NOTCH2NLR: variants seen among roughly 807,000 people sequenced by gnomAD.
NOTCH2NLR encodes notch 2 N-terminal like R.
Under a neutral mutation model 35.6 loss-of-function variants are expected in NOTCH2NLR, and 33 were observed. The ratio of observed to expected loss-of-function variants is 0.93; its 90% CI spans 0.70 to 1.24. The LOEUF (loss-of-function observed/expected upper bound fraction) is 1.24, where lower values mean the gene tolerates loss of function less well. Ranked by LOEUF, NOTCH2NLR falls within the 50% of genes most tolerant of loss-of-function variation. NOTCH2NLR has a pLI of 0.00. For missense variants in NOTCH2NLR, 276 were observed against 362.2 expected (o/e 0.76, Z 1.93); for synonymous variants, 103 against 141.0 (o/e 0.73, Z 1.91).
chr1:120,752,553 TA>T (rs1184914915), intron 1 of NOTCH2NLR, among the ~76,000 whole-genome samples: 358 of 11,808 alleles, frequency 0.03, 5 homozygotes, highest in African/African-American at 0.051. Flanking sequence ...TATATATATA[TA>T]TTTTTTTTTT....
chr1:120,764,838 A>G (rs1387264294), intron 2 of NOTCH2NLR, among the ~76,000 whole-genome samples: 1 of 90,860 alleles, frequency 1.1e-5, no homozygotes, highest in Non-Finnish European at 2.0e-5. Flanking sequence ...TGTGAGGAGT[A>G]GTTGTTCTTT....
At chr1:120,790,151 G>C (rs1651468139) in intron 3 of NOTCH2NLR, among the ~76,000 whole-genome samples, 1 of 99,768 alleles carries the variant, frequency 1.0e-5, no homozygotes, top group Non-Finnish European at 1.8e-5. Flanking sequence ...GAGTAGCTGG[G>C]ACTACAGGCA....
chr1:120,785,327 C>T, intron 3 of NOTCH2NLR, 94 bp downstream of exon 3: 1 of 842,224 alleles, frequency 1.2e-6, no homozygotes, highest in Non-Finnish European at 1.8e-6. Context: ...CTTAAATGTC[C>T]CCCAGCTCTG....
At position 120,764,136 on chromosome 1, in the gene NOTCH2NLR, A is replaced by G. The variant is rs1436424132; in HGVS notation, c.155+427A>G. ...GTGGCGCATGACTGGAGTCCCAGCT[A>G]CTCGGGAGGCTGAGGCAGGAGAGTG... On this transcript the variant is annotated intron_variant, in intron 2 of 4. Coordinates refer to ENST00000624419, the Ensembl canonical transcript of NOTCH2NLR. 1.8e-5 allele frequency among the ~76,000 whole-genome samples: 2 copies of G among 111,900 alleles called. 1 individual carries two copies. Among genetic ancestry groups the G allele is most frequent in the African/African-American group, 1.0e-4 (2 of 19,466 alleles). The allele number at this position is 111,900 out of a possible 152,430, so 73.4% of individuals were successfully genotyped here.
chr1:120,783,728 C>A lies in NOTCH2NLR; in HGVS notation c.156-1246C>A, dbSNP rs1449672656. On this transcript the variant is annotated intron_variant, in intron 2 of 4. Coordinates refer to ENST00000624419, the Ensembl canonical transcript of NOTCH2NLR. ...CATTTGAGAGAAAGAGCAGTGCAGT[C>A]CAGACTTAAACGTTAGGGTGGCCAT... 2.2e-4 allele frequency among the ~76,000 whole-genome samples: 26 copies of A among 117,142 alleles called. 10 individuals carry two copies. Among genetic ancestry groups the A allele is most frequent in the African/African-American group, 1.3e-3 (26 of 19,996 alleles). The allele number at this position is 117,142 out of a possible 152,430, so 76.8% of individuals were successfully genotyped here.
rs1372223844 is a variant in NOTCH2NLR at position 120,724,804 on chromosome 1, C to G, written c.73+554C>G. 8.1e-5 allele frequency among the ~76,000 whole-genome samples: 8 copies of G among 99,328 alleles called. 2 individuals carry two copies. Among genetic ancestry groups the G allele is most frequent in the Non-Finnish European group, 1.2e-4 (6 of 51,572 alleles). 65.2% of individuals were successfully genotyped at this position (99,328 alleles called of 152,430 possible). On this transcript the variant is annotated intron_variant, in intron 1 of 4. Coordinates refer to ENST00000624419, the Ensembl canonical transcript of NOTCH2NLR. ...TTTGCGGCGCGCCTGAGTTTTGACACTCCAACCCCACCGAAAGTCCGGGGG... is the reference window on the plus strand; with the variant it reads ...TTTGCGGCGCGCCTGAGTTTTGACAGTCCAACCCCACCGAAAGTCCGGGGG...
At chr1:120,724,000 G>A (rs1650783156) in exon 1 of NOTCH2NLR, 6 of 1,216,818 alleles carry the variant, frequency 4.9e-6, no homozygotes, top group Non-Finnish European at 6.2e-6. Context: ...GACTCGGGGC[G>A]CGGGGAGTCG....
At chr1:120,740,106 T>G (rs1650939192) in intron 1 of NOTCH2NLR, among the ~76,000 whole-genome samples, 3 of 126,972 alleles carry the variant, frequency 2.4e-5, no homozygotes, top group Admixed American at 8.1e-5. Flanking sequence ...GATTTCAGAT[T>G]AAAGATGAAG....
At position 120,764,041 on chromosome 1, in the gene NOTCH2NLR, G is replaced by T. The variant is rs1285632892; in HGVS notation, c.155+332G>T. 1.7e-4 allele frequency among the ~76,000 whole-genome samples: 19 copies of T among 113,954 alleles called. 4 individuals are homozygous for T. The highest frequency in any genetic ancestry group is 8.1e-4 in the African/African-American group (16 of 19,820). The allele number at this position is 113,954 out of a possible 152,430, so 74.8% of individuals were successfully genotyped here. On this transcript the variant is annotated intron_variant, in intron 2 of 4. Transcript: ENST00000624419. ...AGTTGGGCGAATCACGAGGTCAGGA[G>T]TTCAAGATCAGCCTGGCCAACATAG...
chr1:120,790,757 G>A (rs1651483915), intron 3 of NOTCH2NLR, among the ~76,000 whole-genome samples: 2 of 108,588 alleles, frequency 1.8e-5, no homozygotes, highest in Non-Finnish European at 3.4e-5. Flanking sequence ...GCGCTATGAA[G>A]CCCGGCTAAT....
rs1186945714 is a variant in NOTCH2NLR, at chr1:120,748,113, C to CTTTT, written c.74-15493_74-15490dup. On this transcript the variant is annotated intron_variant, in intron 1 of 4. Coordinates refer to ENST00000624419, the Ensembl canonical transcript of NOTCH2NLR. ...TAGAGTTAGGGCTTGGTAAAGGCTC[C>CTTTT]TTTTTTTTTTTTTTTTTTTTTTTTT... 2.7e-4 allele frequency among the ~76,000 whole-genome samples: 8 copies of CTTTT among 29,682 alleles called. No individual in the cohort carries two copies. The East Asian group carries it at 8.7e-3, about 32-fold the overall frequency. 19.5% of individuals were successfully genotyped at this position (29,682 alleles called of 152,430 possible). A position where few individuals can be genotyped will look rare whatever the true frequency, so the allele number is the denominator to read the frequency against.
At position 120,759,774 on chromosome 1, in the gene NOTCH2NLR, C is replaced by T. The variant is rs1163420553; in HGVS notation, c.74-3854C>T. On this transcript the variant is annotated intron_variant, in intron 1 of 4. Transcript: ENST00000624419. ...AAAGTGATGTTATAATTTGCTAATACAATGTAGAACAATTAAAAGGTAGTG... is the reference window on the plus strand; with the variant it reads ...AAAGTGATGTTATAATTTGCTAATATAATGTAGAACAATTAAAAGGTAGTG... Among the ~76,000 whole-genome samples the T allele has an allele frequency of 7.3e-3, 836 of 115,242 alleles. 333 individuals are homozygous for T. The highest frequency in any genetic ancestry group is 0.043 in the African/African-American group (818 of 19,004). The allele number at this position is 115,242 out of a possible 152,430, so 75.6% of individuals were successfully genotyped here.
chr1:120,743,372 CA>C (rs1650951951), intron 1 of NOTCH2NLR, among the ~76,000 whole-genome samples: 1 of 47,532 alleles, frequency 2.1e-5, no homozygotes. Flanking sequence ...TGATAAAAAA[CA>C]GTGTGTTTTT....
chr1:120,770,332 G>A (rs1270897663), intron 2 of NOTCH2NLR, among the ~76,000 whole-genome samples: 2 of 108,248 alleles, frequency 1.8e-5, no homozygotes, highest in African/African-American at 1.2e-4. Flanking sequence ...ACCACGCCCG[G>A]CTAATTTTTT....
intron 3 of NOTCH2NLR, 34 bp downstream of exon 3, chr1:120,785,267 C>A: frequency 7.0e-7 from 1 of 1,437,442 alleles, no homozygotes; most frequent in Non-Finnish European, 9.3e-7. Flanking sequence ...TGCTTCCCTA[C>A]CTTCAGCAGA....
At position 120,793,571 on chromosome 1, in the gene NOTCH2NLR, C is replaced by A. The variant is rs1189931535; in HGVS notation, c.751+75C>A. 14 of 1,097,764 alleles carry A rather than the reference C, an allele frequency of 1.3e-5. 4 individuals carry two copies. The highest frequency in any genetic ancestry group is 9.0e-5 in the Admixed American group (4 of 44,474). 68.0% of individuals were successfully genotyped at this position (1,097,764 alleles called of 1,614,324 possible). A position where few individuals can be genotyped will look rare whatever the true frequency, so the allele number is the denominator to read the frequency against. Reference sequence around the variant, plus strand: ...GGAGGTAGTGGGTGTGGCTCAATTGCATTTTTTAGGAAGCGCAAGGAAAAA... The same window carrying A: ...GGAGGTAGTGGGTGTGGCTCAATTGAATTTTTTAGGAAGCGCAAGGAAAAA... On this transcript the variant is annotated intron_variant, in intron 4 of 4. Coordinates refer to ENST00000624419, the Ensembl canonical transcript of NOTCH2NLR.
chr1:120,794,082 G>A (rs1164987485), downstream of NOTCH2NLR, among the ~76,000 whole-genome samples: 2 of 103,510 alleles, frequency 1.9e-5, no homozygotes, highest in Admixed American at 9.6e-5. Flanking sequence ...CTGAAACTGA[G>A]GAGGGGATCC....
In NOTCH2NLR at chr1:120,784,378, T is replaced by A. The variant is rs1651398930; in HGVS notation, c.156-596T>A. Among the ~76,000 whole-genome samples, 2 of 116,448 alleles carry A rather than the reference T, an allele frequency of 1.7e-5. 1 individual carries two copies. The highest frequency in any genetic ancestry group is 1.6e-4 in the Admixed American group (2 of 12,182). 76.4% of individuals were successfully genotyped at this position (116,448 alleles called of 152,430 possible). A position where few individuals can be genotyped will look rare whatever the true frequency, so the allele number is the denominator to read the frequency against. ...GCTTAAAGGCCCCAATTGATCCACATCCCAGTTACAGCTCTCATCTATTTT... is the reference window on the plus strand; with the variant it reads ...GCTTAAAGGCCCCAATTGATCCACAACCCAGTTACAGCTCTCATCTATTTT... On this transcript the variant is annotated intron_variant, in intron 2 of 4. Coordinates refer to ENST00000624419, the Ensembl canonical transcript of NOTCH2NLR.
At chr1:120,785,039 A>G in exon 3 of NOTCH2NLR, 1 of 1,444,138 alleles carries the variant, frequency 6.9e-7, no homozygotes, top group Non-Finnish European at 9.3e-7. Flanking sequence ...AACCGCTGCC[A>G]GAATGGTGGG....
Sources: allele counts gnomAD v4.1 joint callset (sites outside exome capture counted in the v4.1 genomes callset), GRCh38; gene constraint gnomAD v4.1.1; transcripts MANE v1.5; gene names NCBI Gene and HGNC (gene_info 2026-07-23, HGNC 2026-07-21).